Variants in FBXO40 observed in about 807,000 individuals in gnomAD.
FBXO40 encodes the protein F-box only protein 40.
Under a neutral mutation model 49.9 loss-of-function variants are expected in FBXO40, and 50 were observed. The ratio of observed to expected loss-of-function variants is 1.00; its 90% confidence interval spans 0.80 to 1.27. FBXO40 has a LOEUF of 1.27. Ranked by LOEUF, FBXO40 falls within the 50% of genes most tolerant of loss-of-function variation. The pLI, the probability that FBXO40 is intolerant of heterozygous loss-of-function variation, is 0.00. For missense variants in FBXO40, 895 were observed against 870.1 expected (o/e 1.03, Z -0.36); for synonymous variants, 340 against 320.2 (o/e 1.06, Z -0.66).
chr3:121,612,905 T>G (rs1328510053), intron 1 of FBXO40, among the ~76,000 whole-genome samples: 1 of 151,720 alleles, frequency 6.6e-6, no homozygotes, highest in Non-Finnish European at 1.5e-5. Context: ...CCGTCTCTAC[T>G]AAAAATACAA....
In FBXO40 at chr3:121,620,535, T is replaced by G; in HGVS notation, c.-30-11T>G. On this transcript the variant is annotated splice_polypyrimidine_tract_variant and intron_variant, in intron 1 of 3. Transcript: ENST00000338040. ...TTCTTACTAATTATTTATATTCATATTTTCCCGTAGAGCTAAGAAGCAAGA... is the reference window on the plus strand; with the variant it reads ...TTCTTACTAATTATTTATATTCATAGTTTCCCGTAGAGCTAAGAAGCAAGA... 6.2e-7 allele frequency: 1 copy of G among 1,613,324 alleles called. No individual in the cohort carries two copies. The highest frequency in any genetic ancestry group is 8.5e-7 in the Non-Finnish European group (1 of 1,179,430).
intron 1 of FBXO40, among the ~76,000 whole-genome samples, chr3:121,612,320 C>T (rs1485433017): frequency 1.3e-5 from 2 of 152,178 alleles, no homozygotes; most frequent in African/African-American, 2.4e-5. Flanking sequence ...TGAAGCTAGG[C>T]TCTTTGGGGA....
intron 1 of FBXO40, among the ~76,000 whole-genome samples, chr3:121,601,708 A>G (rs994819830): frequency 2.6e-5 from 4 of 152,248 alleles, no homozygotes; most frequent in African/African-American, 9.6e-5. Flanking sequence ...TTAATGACAG[A>G]ACAGGCTGGC....
chr3:121,593,865 A>T (rs976322849), intron 1 of FBXO40, among the ~76,000 whole-genome samples: 3 of 151,974 alleles, frequency 2.0e-5, no homozygotes, highest in African/African-American at 7.2e-5. Flanking sequence ...CAGGATTTCT[A>T]TTCCCTTTTC....
Position 121,620,532 on chromosome 3 carries a change from A to G in FBXO40, c.-30-14A>G, listed in dbSNP as rs765219914. ...TTTTTCTTACTAATTATTTATATTC[A>G]TATTTTCCCGTAGAGCTAAGAAGCA... On this transcript the variant is annotated splice_polypyrimidine_tract_variant and intron_variant, in intron 1 of 3. Coordinates refer to ENST00000338040, the MANE Select transcript of FBXO40 (RefSeq NM_016298.4). 6.2e-7 allele frequency: 1 copy of G among 1,613,066 alleles called. No individual in the cohort carries two copies. Among genetic ancestry groups the G allele is most frequent in the South Asian group, 1.1e-5 (1 of 91,010 alleles).
At chr3:121,616,566 A>G (rs1053731578) in intron 1 of FBXO40, among the ~76,000 whole-genome samples, 2 of 152,202 alleles carry the variant, frequency 1.3e-5, no homozygotes, top group African/African-American at 4.8e-5. Flanking sequence ...TGACTTTCAT[A>G]TTGACCAGTG....
Position 121,621,880 on chromosome 3 carries a change from A to G in FBXO40, c.451A>G (p.Arg151Gly), listed in dbSNP as rs748921319. ...LKMVELFPETREATEEEPTMN... is the reference protein window; with the variant it reads ...LKMVELFPETGEATEEEPTMN... ...AATGGTGGAACTTTTCCCAGAAACT[A>G]GAGAGGCTACTGAGGAGGAACCAAC... Residue 151 changes from arginine to glycine, a missense_variant, in exon 3 of 4, where the codon AGA (arginine) becomes GGA (glycine). Transcript: ENST00000338040. 8.7e-6 allele frequency: 14 copies of G among 1,614,176 alleles called. No homozygotes were observed. The highest frequency in any genetic ancestry group is 1.3e-5 in the African/African-American group (1 of 75,060).
chr3:121,599,196 G>T (rs11923719), intron 1 of FBXO40, among the ~76,000 whole-genome samples: 2 of 152,102 alleles, frequency 1.3e-5, no homozygotes, highest in Non-Finnish European at 2.9e-5. Flanking sequence ...GGCCAGGGGT[G>T]GTGGCTCACA....
intron 1 of FBXO40, among the ~76,000 whole-genome samples, chr3:121,607,760 T>C (rs2048939872): frequency 6.6e-6 from 1 of 152,184 alleles, no homozygotes; most frequent in South Asian, 2.1e-4. Flanking sequence ...GGCTCCTTTA[T>C]GTTGGACAGG....
Position 121,621,774 on chromosome 3 carries a change from C to A in FBXO40, c.345C>A (p.Ile115=). ...VDSETTLHEN[I]MKETPSEECL... ...CTGAAACCACCCTTCATGAAAACAT[C>A]ATGAAAGAGACCCCCAGTGAGGAGT... The change falls in exon 3 of 4, where the codon ATC becomes ATA. Residue 115 remains isoleucine, a synonymous_variant. Coordinates refer to ENST00000338040, the MANE Select transcript of FBXO40 (RefSeq NM_016298.4). 6.2e-7 allele frequency: 1 copy of A among 1,614,206 alleles called. No homozygotes were observed. The highest frequency in any genetic ancestry group is 8.5e-7 in the Non-Finnish European group (1 of 1,180,038).
chr3:121,617,794 G>A (rs889230008), intron 1 of FBXO40, among the ~76,000 whole-genome samples: 85 of 152,282 alleles, frequency 5.6e-4, no homozygotes, highest in African/African-American at 2.0e-3. Context: ...GAGGTCAGGA[G>A]TTCAAGACTA....
intron 1 of FBXO40, among the ~76,000 whole-genome samples, chr3:121,610,981 C>G (rs1313281908): frequency 1.3e-5 from 2 of 152,204 alleles, no homozygotes; most frequent in Non-Finnish European, 2.9e-5. Flanking sequence ...TGTCATGCCC[C>G]TGGTTGCAGG....
In FBXO40 at chr3:121,627,747, C is replaced by T. The variant is rs1353404831; in HGVS notation, c.*837C>T. ...ATGTTCTGAGTTAGGCAGAACATAG[C>T]CATGGCCCTGGGCCACCCTGTGCTA... On this transcript the variant is annotated 3_prime_UTR_variant, in exon 4 of 4. Transcript: ENST00000338040. 1 of 398,266 alleles carries T rather than the reference C, an allele frequency of 2.5e-6. No individual in the cohort carries two copies. Among genetic ancestry groups the T allele is most frequent in the Admixed American group, 4.4e-5 (1 of 22,734 alleles). The allele number at this position is 398,266 out of a possible 1,614,324, so 24.7% of individuals were successfully genotyped here. A position where few individuals can be genotyped will look rare whatever the true frequency, so the allele number is the denominator to read the frequency against.
chr3:121,593,741 T>G (rs1428840384), intron 1 of FBXO40, among the ~76,000 whole-genome samples: 1 of 152,192 alleles, frequency 6.6e-6, no homozygotes, highest in Non-Finnish European at 1.5e-5. Flanking sequence ...AGGTTCTTTC[T>G]TCTATAATCA....
Position 121,597,095 on chromosome 3 carries a change from C to T in FBXO40, c.-31+3593C>T, listed in dbSNP as rs553182315. ...TTGTGCCCATCATTGGAACCTCTCT[C>T]ACCATTCTCACCATCACAGCAACTT... On this transcript the variant is annotated intron_variant, in intron 1 of 3. Coordinates refer to ENST00000338040, the MANE Select transcript of FBXO40 (RefSeq NM_016298.4). Among the ~76,000 whole-genome samples, 15 of 152,328 alleles carry T rather than the reference C, an allele frequency of 9.8e-5. No homozygotes were observed. In the South Asian group the frequency reaches 1.0e-3, roughly 11 times the overall value.
intron 3 of FBXO40, among the ~76,000 whole-genome samples, chr3:121,623,929 C>G (rs543443483): frequency 6.7e-6 from 1 of 149,712 alleles, no homozygotes; most frequent in East Asian, 2.0e-4. Flanking sequence ...CTCAGGTGAT[C>G]CACCCGCCTC....
At position 121,622,234 on chromosome 3, in the gene FBXO40, C is replaced by T; in HGVS notation, c.805C>T (p.Pro269Ser). 9 of 1,614,080 alleles carry T rather than the reference C, an allele frequency of 5.6e-6. No individual in the cohort carries two copies. The highest frequency in any genetic ancestry group is 6.8e-6 in the Non-Finnish European group (8 of 1,180,020). The change falls in exon 3 of 4, where the codon CCA (proline) becomes TCA (serine). Residue 269 changes from proline to serine, a missense_variant. Physicochemically the swap from Pro to Ser is moderately conservative, Grantham distance 74 (BLOSUM62 -1). Transcript: ENST00000338040. ...EGEGAPKKKEPQENQKQQDVR... is the reference protein window; with the variant it reads ...EGEGAPKKKESQENQKQQDVR... ...AGAGGGCGCTCCCAAAAAGAAAGAA[C>T]CACAGGAAAATCAGAAGCAGCAGGA...
chr3:121,614,203 G>A (rs1170837153), intron 1 of FBXO40, among the ~76,000 whole-genome samples: 1 of 148,400 alleles, frequency 6.7e-6, no homozygotes, highest in East Asian at 2.0e-4. Flanking sequence ...GAAGGCGGAG[G>A]TTGCAGTGAG....
At position 121,614,506 on chromosome 3, in the gene FBXO40, G is replaced by C. The variant is rs537206781; in HGVS notation, c.-30-6040G>C. Among the ~76,000 whole-genome samples the C allele has an allele frequency of 8.5e-5, 13 of 152,244 alleles. 1 individual carries two copies. The South Asian group carries it at 1.7e-3, about 19-fold the overall frequency. The stretch of plus-strand genomic sequence containing the variant: ...CATCCTTCCCGTGGCAGCCTCAGGG[G>C]TTCTGTGAAACAAAGGCAGCAAGCC... On this transcript the variant is annotated intron_variant, in intron 1 of 3. Coordinates refer to ENST00000338040, the MANE Select transcript of FBXO40 (RefSeq NM_016298.4).
Sources: allele counts gnomAD v4.1 joint callset (sites outside exome capture counted in the v4.1 genomes callset), GRCh38; gene constraint gnomAD v4.1.1; transcripts MANE v1.5; gene names NCBI Gene and HGNC (gene_info 2026-07-23, HGNC 2026-07-21).